The following ZNF782 variants were observed in gnomAD, a reference collection of about 807,000 sequenced individuals.
The protein encoded by ZNF782 is zinc finger protein 782.
A neutral mutation model predicts 13.0 loss-of-function variants in ZNF782; 12 were observed. The observed-to-expected ratio is 0.92, with a 90% CI of 0.59 to 1.50. The LOEUF is 1.50. Ranked by LOEUF, ZNF782 falls within the 40% of genes most tolerant of loss-of-function variation. The probability of loss-of-function intolerance (pLI) is 0.00; values close to 1 mark genes in which losing one functional copy is unlikely to be tolerated. For missense variants in ZNF782, 770 were observed against 822.9 expected, an observed-to-expected ratio of 0.94 and a Z score of 0.79; for synonymous variants, 284 against 283.0, an observed-to-expected ratio of 1.00 and a Z score of -0.04.
chr9:96,863,294 C>T (rs896257907), intron 1 of ZNF782, among the ~76,000 whole-genome samples: 2 of 150,862 alleles, frequency 1.3e-5, no homozygotes, highest in Admixed American at 6.6e-5. Context: ...GAAATGCAAA[C>T]GAAAACCACA....
chr9:96,895,816 C>A, the ZNF782 span: 6 of 152,252 alleles, frequency 3.9e-5, no homozygotes, highest in Admixed American at 2.0e-4. Context: ...TAGACATACT[C>A]AACAATTAGC....
At chr9:96,820,766 T>C (rs1563994572) in intron 5 of ZNF782, among the ~76,000 whole-genome samples, 1 of 152,124 alleles carries the variant, frequency 6.6e-6, no homozygotes, top group Non-Finnish European at 1.5e-5. Context: ...GCCAGGCTGG[T>C]CTCGAACTCC....
intron 4 of ZNF782, among the ~76,000 whole-genome samples, chr9:96,842,150 T>C (rs567563643): frequency 5.9e-5 from 9 of 152,082 alleles, no homozygotes; most frequent in African/African-American, 2.2e-4. Flanking sequence ...TGTACAGGAC[T>C]TTTATACTGA....
the ZNF782 span, among the ~76,000 whole-genome samples, chr9:96,923,176 C>G: frequency 6.7e-6 from 1 of 149,278 alleles, no homozygotes; most frequent in African/African-American, 2.5e-5. Context: ...TGCCCTTGAA[C>G]ACACACACAC....
chr9:96,925,331 G>T, the ZNF782 span, among the ~76,000 whole-genome samples: 1 of 151,702 alleles, frequency 6.6e-6, no homozygotes, highest in South Asian at 2.1e-4. Flanking sequence ...CTCCAAGACC[G>T]TCCCTCCTAG....
At chr9:96,879,561 T>A (rs1378152474), upstream of ZNF782, among the ~76,000 whole-genome samples, 1 of 152,132 alleles carries the variant, frequency 6.6e-6, no homozygotes, top group Non-Finnish European at 1.5e-5. Context: ...AAAGGGACTT[T>A]TACAAAGCCT....
At chr9:96,905,064 G>A in the ZNF782 span, among the ~76,000 whole-genome samples, 2 of 149,500 alleles carry the variant, frequency 1.3e-5, no homozygotes, top group South Asian at 2.1e-4. Context: ...TGGTGTCAGA[G>A]GCATTTGAGC....
intron 1 of ZNF782, among the ~76,000 whole-genome samples, chr9:96,874,916 G>T (rs1263232411): frequency 6.6e-6 from 1 of 152,180 alleles, no homozygotes; most frequent in Non-Finnish European, 1.5e-5. Flanking sequence ...GAGTGGCTAG[G>T]CGCCTTCGTG....
the ZNF782 span, among the ~76,000 whole-genome samples, chr9:96,914,820 CT>C: frequency 4.3e-5 from 6 of 139,576 alleles, no homozygotes; most frequent in Admixed American, 4.4e-4. Context: ...CTCTCATGAC[CT>C]TTGTATGCAG....
the ZNF782 span, among the ~76,000 whole-genome samples, chr9:96,882,276 A>G: frequency 2.0e-5 from 3 of 152,136 alleles, no homozygotes; most frequent in Admixed American, 2.0e-4. Context: ...ATTGGACAGA[A>G]GCAGCTTTAG....
chr9:96,917,654 A>G, the ZNF782 span, among the ~76,000 whole-genome samples: 3 of 150,660 alleles, frequency 2.0e-5, no homozygotes, highest in African/African-American at 4.9e-5. Context: ...CTGGTCTCAA[A>G]CTCCTGACCT....
At chr9:96,899,564 A>G in the ZNF782 span, among the ~76,000 whole-genome samples, 1 of 152,206 alleles carries the variant, frequency 6.6e-6, no homozygotes, top group East Asian at 1.9e-4. Flanking sequence ...AAATGAATGT[A>G]TTTCTTCCAG....
rs144294657 is a variant in ZNF782, at chr9:96,818,900, A to G, written c.1123T>C (p.Cys375Arg). ...CAAATCAAGTGTGAATTCATAGAGC[A>G]GGATTTCCCACATTCATTATACTCA... ...PYEYNECGKS[C>R]SMNSHLIWPQ... is the part of the protein sequence containing the mutation. The change falls in exon 6 of 6, where the codon TGC (cysteine) becomes CGC (arginine). Residue 375 changes from cysteine to arginine, a missense_variant. Cys to Arg is a radical substitution (Grantham distance 180). Transcript: ENST00000481138. The G allele has an allele frequency of 4.2e-4, 681 of 1,614,220 alleles. 8 individuals carry two copies. The African/African-American group carries it at 8.2e-3, about 19-fold the overall frequency.
At position 96,830,271 on chromosome 9, in the gene ZNF782, C is replaced by T. The variant is rs555342869; in HGVS notation, c.143-3090G>A. Among the ~76,000 whole-genome samples, 12 of 152,306 alleles carry T rather than the reference C, an allele frequency of 7.9e-5. No individual in the cohort carries two copies. The South Asian group carries it at 2.3e-3, about 29-fold the overall frequency. ...AGTGGGGAACTCAAATGTCTGTGCT[C>T]ACCAGGCTGTAAGAAGGCTCCCTTA... On this transcript the variant is annotated intron_variant, in intron 4 of 5. Coordinates refer to ENST00000481138, the MANE Select transcript of ZNF782 (RefSeq NM_001001662.3).
intron 1 of ZNF782, 50 bp from the exon 2 acceptor site, chr9:96,853,119 G>C (rs1340548034): frequency 6.6e-6 from 1 of 152,382 alleles, no homozygotes; most frequent in Non-Finnish European, 1.5e-5. Context: ...GGGATCTGGG[G>C]ACAGAATCTC....
chr9:96,932,816 C>T, the ZNF782 span, among the ~76,000 whole-genome samples: 1 of 151,828 alleles, frequency 6.6e-6, no homozygotes, highest in Non-Finnish European at 1.5e-5. Flanking sequence ...CCATGCCTGG[C>T]TAATTTTGTA....
chr9:96,839,277 CTT>C (rs201411107), intron 4 of ZNF782, among the ~76,000 whole-genome samples: 2 of 100,222 alleles, frequency 2.0e-5, no homozygotes, highest in East Asian at 2.7e-4. Context: ...TTACTTGGGA[CTT>C]TTTTTTTTTT....
the ZNF782 span, among the ~76,000 whole-genome samples, chr9:96,921,987 C>T: frequency 1.3e-5 from 2 of 151,204 alleles, no homozygotes; most frequent in East Asian, 2.0e-4. Context: ...CCACTGCACC[C>T]GGCTGATAAT....
At chr9:96,822,496 A>C (rs1850457534) in intron 5 of ZNF782, among the ~76,000 whole-genome samples, 1 of 152,148 alleles carries the variant, frequency 6.6e-6, no homozygotes, top group African/African-American at 2.4e-5. Context: ...ATTTCAAACT[A>C]TACCACAGAA....
Sources: gnomAD v4.1 joint callset for allele counts (sites outside exome capture counted in the v4.1 genomes callset) on GRCh38, gnomAD v4.1.1 for gene constraint, MANE v1.5 for transcripts, NCBI Gene and HGNC (gene_info 2026-07-23, HGNC 2026-07-21) for gene names.